The following IGSF21 variants were observed in gnomAD, a reference collection of about 807,000 sequenced individuals.
IGSF21 encodes the protein immunoglobin superfamily member 21.
IGSF21 carries 28 observed loss-of-function variants against 46.8 expected under a neutral mutation model. That is an observed-to-expected ratio of 0.60 (90% CI 0.44 to 0.82). The LOEUF (loss-of-function observed/expected upper bound fraction) is 0.82. IGSF21 is among the 40% of genes least tolerant of loss of function. The pLI is 0.00. For missense variants in IGSF21, 624 were observed against 665.5 expected (o/e 0.94, Z 0.69); for synonymous variants, 284 against 273.6 (o/e 1.04, Z -0.38).
rs147110803 is a variant in IGSF21, at chr1:18,188,022, C to G, written c.71-39876C>G. 3.2e-4 allele frequency among the ~76,000 whole-genome samples: 49 copies of G among 152,218 alleles called. 1 individual carries two copies. In the East Asian group the frequency reaches 9.1e-3, roughly 28 times the overall value. ...GGTCCCCCCTAGATTTTGGAGGAAC[C>G]CTGTGAATCCACGTATGCCTCAAGA... On this transcript the variant is annotated intron_variant, in intron 1 of 9. Transcript: ENST00000251296.
At position 18,334,988 on chromosome 1, in the gene IGSF21, C is replaced by T; in HGVS notation, c.402C>T (p.Gly134=). 2 of 1,613,832 alleles carry T rather than the reference C, an allele frequency of 1.2e-6. No individual in the cohort carries two copies. Among genetic ancestry groups the T allele is most frequent in the Non-Finnish European group, 1.7e-6 (2 of 1,179,682 alleles). Reference sequence around the variant, plus strand: ...GGGAGAAGGTGGTCCTGGCATCAGGCAACATCTTCCTCAACGTCATGGGTG... The same window carrying T: ...GGGAGAAGGTGGTCCTGGCATCAGGTAACATCTTCCTCAACGTCATGGGTG... The part of the protein sequence containing the change: ...ATREKVVLAS[G]NIFLNVMAPP... Residue 134 remains glycine, a synonymous_variant, in exon 4 of 10, where the codon GGC becomes GGT. Coordinates refer to ENST00000251296, the MANE Select transcript of IGSF21 (RefSeq NM_032880.5). The surrounding 1 kb of genome is among the most constrained non-coding windows in gnomAD (Gnocchi z 4.3).
At chr1:18,233,967 G>A (rs1331247464) in intron 2 of IGSF21, among the ~76,000 whole-genome samples, 1 of 152,086 alleles carries the variant, frequency 6.6e-6, no homozygotes, top group Non-Finnish European at 1.5e-5. Context: ...AAGCAAAACT[G>A]AAAATGATGA....
At chr1:18,317,890 G>T (rs1438379299) in intron 3 of IGSF21, among the ~76,000 whole-genome samples, 1 of 152,184 alleles carries the variant, frequency 6.6e-6, no homozygotes, top group African/African-American at 2.4e-5. Context: ...AAATTGTAAG[G>T]TGAGGAGATG....
At chr1:18,219,499 G>A (rs186538693) in intron 1 of IGSF21, among the ~76,000 whole-genome samples, 2 of 152,284 alleles carry the variant, frequency 1.3e-5, no homozygotes, top group Admixed American at 1.3e-4. Flanking sequence ...AGATGGAGCA[G>A]TAGGTGAGGA....
At chr1:18,298,414 G>A (rs925899915) in intron 3 of IGSF21, among the ~76,000 whole-genome samples, 12 of 152,198 alleles carry the variant, frequency 7.9e-5, no homozygotes, top group Admixed American at 2.0e-4. Flanking sequence ...ATCCCAGAGG[G>A]CAGCTGTGAC....
chr1:18,219,185 T>C, intron 1 of IGSF21, among the ~76,000 whole-genome samples: 1 of 152,154 alleles, frequency 6.6e-6, no homozygotes, highest in South Asian at 2.1e-4. Flanking sequence ...GGGTAATAAG[T>C]CAGAGAGTGA....
intron 1 of IGSF21, among the ~76,000 whole-genome samples, chr1:18,121,861 C>T (rs1349345511): frequency 6.6e-6 from 1 of 152,152 alleles, no homozygotes; most frequent in African/African-American, 2.4e-5. Flanking sequence ...TCCATGTACC[C>T]GACTGTCCAA....
intron 2 of IGSF21, among the ~76,000 whole-genome samples, chr1:18,237,043 A>G (rs550396150): frequency 6.6e-6 from 1 of 152,274 alleles, no homozygotes; most frequent in Admixed American, 6.5e-5. Flanking sequence ...TGAAGACCCA[A>G]TTGCTTCTAT....
At chr1:18,258,500 A>G (rs2084912538) in intron 2 of IGSF21, among the ~76,000 whole-genome samples, 1 of 152,168 alleles carries the variant, frequency 6.6e-6, no homozygotes, top group Non-Finnish European at 1.5e-5. Flanking sequence ...CCTGGGTTTT[A>G]GTCTTGATTT....
intron 2 of IGSF21, among the ~76,000 whole-genome samples, chr1:18,249,331 G>A (rs1301427992): frequency 6.6e-6 from 1 of 152,158 alleles, no homozygotes; most frequent in Non-Finnish European, 1.5e-5. Context: ...GAAAGTGATG[G>A]CAGCCCGAGT....
Position 18,189,156 on chromosome 1 carries a change from C to T in IGSF21, c.71-38742C>T, listed in dbSNP as rs2086931799. 2.0e-5 allele frequency among the ~76,000 whole-genome samples: 3 copies of T among 152,244 alleles called. 1 individual carries two copies. The South Asian group carries it at 6.2e-4, about 32-fold the overall frequency. ...AGGCCCAAGGCCTCATAGCGGGGTG[C>T]CAGCAGATCCAGACCTTGAAGCCAA... On this transcript the variant is annotated intron_variant, in intron 1 of 9. Transcript: ENST00000251296.
intron 1 of IGSF21, among the ~76,000 whole-genome samples, chr1:18,141,790 T>G (rs2086417371): frequency 6.6e-6 from 1 of 152,170 alleles, no homozygotes; most frequent in African/African-American, 2.4e-5. Flanking sequence ...AGTTCATGGC[T>G]GGGCACAGTG....
At chr1:18,323,394 G>A (rs1359765559) in intron 3 of IGSF21, among the ~76,000 whole-genome samples, 1 of 152,128 alleles carries the variant, frequency 6.6e-6, no homozygotes, top group Non-Finnish European at 1.5e-5. Flanking sequence ...AGCAGAGTGT[G>A]GTGAGCCCCA....
At chr1:18,134,132 G>C (rs1439092936) in intron 1 of IGSF21, among the ~76,000 whole-genome samples, 1 of 152,134 alleles carries the variant, frequency 6.6e-6, no homozygotes, top group Non-Finnish European at 1.5e-5. Context: ...GTTACTCTTA[G>C]TAGAACCATG....
In IGSF21 at chr1:18,335,217, G is replaced by A. The variant is rs1419887031; in HGVS notation, c.424+207G>A. 6.6e-6 allele frequency among the ~76,000 whole-genome samples: 1 copy of A among 152,158 alleles called. No individual in the cohort carries two copies. Among genetic ancestry groups the A allele is most frequent in the Non-Finnish European group, 1.5e-5 (1 of 68,018 alleles). On this transcript the variant is annotated intron_variant, in intron 4 of 9. Coordinates refer to ENST00000251296, the MANE Select transcript of IGSF21 (RefSeq NM_032880.5). The surrounding 1 kb of genome is among the most constrained non-coding windows in gnomAD (Gnocchi z 4.8). ...GACCCGTGAAGTCTTGCCCCCCATG[G>A]GCCTCCCCTCAGGAGGTCCCCTTCT... is the stretch of plus-strand genomic sequence containing the variant.
At chr1:18,246,048 C>G (rs2084780178) in intron 2 of IGSF21, among the ~76,000 whole-genome samples, 1 of 152,200 alleles carries the variant, frequency 6.6e-6, no homozygotes. Flanking sequence ...TGGTCCAGCT[C>G]TCTGACCTTC....
intron 1 of IGSF21, among the ~76,000 whole-genome samples, chr1:18,220,877 G>C (rs950976607): frequency 6.6e-6 from 1 of 152,196 alleles, no homozygotes; most frequent in African/African-American, 2.4e-5. Flanking sequence ...TGATGAGTGA[G>C]AGGTGCCAGA....
intron 2 of IGSF21, among the ~76,000 whole-genome samples, chr1:18,245,908 G>A (rs2084779037): frequency 6.6e-6 from 1 of 152,330 alleles, no homozygotes; most frequent in African/African-American, 2.4e-5. Context: ...CCTGACCGAT[G>A]ACTCTCCCCT....
chr1:18,212,952 A>G (rs2084407453), intron 1 of IGSF21, among the ~76,000 whole-genome samples: 1 of 152,342 alleles, frequency 6.6e-6, no homozygotes, highest in East Asian at 1.9e-4. Context: ...AGACACTAGT[A>G]TGGTAGAAAG....
Sources: allele counts gnomAD v4.1 joint callset (sites outside exome capture counted in the v4.1 genomes callset), GRCh38; gene constraint gnomAD v4.1.1; non-coding constraint Gnocchi (gnomAD v3.1); transcripts MANE v1.5; gene names NCBI Gene and HGNC (gene_info 2026-07-23, HGNC 2026-07-21).